Variants in RO60 observed in about 807,000 individuals in gnomAD.
RO60 encodes Ro60, Y RNA binding protein, also known as RNA-binding protein RO60.
Under a neutral mutation model 55.3 loss-of-function variants are expected in RO60, and 20 were observed. The ratio of observed to expected loss-of-function variants is 0.36; its 90% CI spans 0.25 to 0.53. The LOEUF (loss-of-function observed/expected upper bound fraction) is 0.53. Ranked by LOEUF, RO60 falls within the 20% of genes least tolerant of loss-of-function variation. The probability of loss-of-function intolerance (pLI) is 0.92; values close to 1 mark genes in which losing one functional copy is unlikely to be tolerated. For missense variants in RO60, 558 were observed against 646.6 expected (o/e 0.86, Z 1.49); for synonymous variants, 213 against 213.6 (o/e 1.00, Z 0.02).
In RO60 at chr1:193,059,694, T is replaced by G. The variant is rs1315730813; in HGVS notation, c.-104T>G. On this transcript the variant is annotated 5_prime_UTR_variant, in exon 1 of 9. Transcript: ENST00000400968. The surrounding 1 kb of genome is among the most constrained non-coding windows in gnomAD (Gnocchi z 4.9). ...CTGTGGCTGTCGCTGCCCGTCAGGC[T>G]GCCTTCTTTTGTCGTTTCCCAGCGC... The G allele has an allele frequency of 7.4e-7, 1 of 1,358,290 alleles. No homozygotes were observed. The highest frequency in any genetic ancestry group is 4.6e-5 in the East Asian group (1 of 21,732). The allele number at this position is 1,358,290 out of a possible 1,614,324, so 84.1% of individuals were successfully genotyped here.
rs1341531245 is a variant in RO60, at chr1:193,060,000, C to T, written c.-22+224C>T. The T allele has an allele frequency of 2.2e-6, 3 of 1,365,412 alleles. No homozygotes were observed. Among genetic ancestry groups the T allele is most frequent in the Non-Finnish European group, 2.9e-6 (3 of 1,021,262 alleles). The allele number at this position is 1,365,412 out of a possible 1,614,324, so 84.6% of individuals were successfully genotyped here. A position where few individuals can be genotyped will look rare whatever the true frequency, so the allele number is the denominator to read the frequency against. On this transcript the variant is annotated intron_variant, in intron 1 of 8. Transcript: ENST00000400968. The surrounding 1 kb of genome is among the most constrained non-coding windows in gnomAD (Gnocchi z 4.9). ...CCTCGCTAGGCCCGGCCGGACCATT[C>T]CTCAGGGTGGGCCCTTTCCGAAGCC...
intron 1 of RO60, among the ~76,000 whole-genome samples, chr1:193,068,708 A>G (rs1673280111): frequency 6.6e-6 from 1 of 152,206 alleles, no homozygotes; most frequent in African/African-American, 2.4e-5. Context: ...CACTGTGGCT[A>G]TGATTTGTTT....
chr1:193,065,962 T>A (rs1238661788), intron 1 of RO60, among the ~76,000 whole-genome samples: 43 of 152,216 alleles, frequency 2.8e-4, no homozygotes, highest in Admixed American at 2.8e-3. Context: ...TACACCACTA[T>A]GTGTTCCCCT....
chr1:193,082,792 C>CCTGT, intron 8 of RO60, 84 bp downstream of exon 8: 1 of 1,183,654 alleles, frequency 8.4e-7, no homozygotes, highest in Non-Finnish European at 1.2e-6. Flanking sequence ...GGAGACAGGA[C>CCTGT]CTCATTCTGT....
At chr1:193,076,283 C>T (rs1241141038) in intron 3 of RO60, among the ~76,000 whole-genome samples, 1 of 152,008 alleles carries the variant, frequency 6.6e-6, no homozygotes, top group Non-Finnish European at 1.5e-5. Flanking sequence ...ATCATCTATG[C>T]ATTTCCTTCA....
At chr1:193,068,874 G>A (rs1001464016) in intron 1 of RO60, 160 bp from the exon 2 acceptor site, 1 of 503,322 alleles carries the variant, frequency 2.0e-6, no homozygotes, top group Non-Finnish European at 3.4e-6. Context: ...TTTTCTTCAG[G>A]ACATTTATAT....
In RO60 at chr1:193,085,624, T is replaced by G. The variant is rs142385358; in HGVS notation, c.*893T>G. ...CCCCCTCATTCACAAAGTATAACAA[T>G]TAAAATCTCAACTATAACCAGTTTA... On this transcript the variant is annotated 3_prime_UTR_variant, in exon 9 of 9. Transcript: ENST00000400968. 2.6e-4 allele frequency: 255 copies of G among 984,500 alleles called. 1 individual carries two copies. The African/African-American group carries it at 4.3e-3, about 16-fold the overall frequency. 61.0% of individuals were successfully genotyped at this position (984,500 alleles called of 1,614,324 possible).
Position 193,082,346 on chromosome 1 carries a change from G to T in RO60, c.1317+47G>T. 1 of 1,434,228 alleles carries T rather than the reference G, an allele frequency of 7.0e-7. No individual in the cohort carries two copies. The highest frequency in any genetic ancestry group is 9.7e-7 in the Non-Finnish European group (1 of 1,035,702). 88.8% of individuals were successfully genotyped at this position (1,434,228 alleles called of 1,614,324 possible). ...GTTTACTTAGTTAAGTTTACATAAC[G>T]TGTAGAATGATTTTATATTGATGTC... On this transcript the variant is annotated intron_variant, in intron 7 of 8. Transcript: ENST00000400968.
intron 5 of RO60, among the ~76,000 whole-genome samples, chr1:193,080,015 C>T (rs1174226778): frequency 6.6e-6 from 1 of 151,104 alleles, no homozygotes; most frequent in Non-Finnish European, 1.5e-5. Flanking sequence ...CCTGTAATCC[C>T]AGCTACTCAT....
intron 7 of RO60, 42 bp from the exon 8 acceptor site, chr1:193,082,520 G>T (rs1674381583): frequency 1.2e-6 from 2 of 1,601,150 alleles, no homozygotes; most frequent in East Asian, 2.2e-5. Context: ...GTATTTTTAA[G>T]GATTTATTTA....
At chr1:193,071,773 A>G (rs1214927269) in intron 2 of RO60, among the ~76,000 whole-genome samples, 1 of 148,378 alleles carries the variant, frequency 6.7e-6, no homozygotes, top group Non-Finnish European at 1.5e-5. Context: ...TAGTATATAT[A>G]ATATATAATG....
chr1:193,067,381 G>A (rs953801980), intron 1 of RO60, among the ~76,000 whole-genome samples: 1 of 151,700 alleles, frequency 6.6e-6, no homozygotes, highest in South Asian at 2.1e-4. Context: ...GTAGAGACGG[G>A]GTTTCACCAT....
chr1:193,077,913 G>A (rs1674040559), intron 5 of RO60, among the ~76,000 whole-genome samples: 1 of 152,066 alleles, frequency 6.6e-6, no homozygotes, highest in Non-Finnish European at 1.5e-5. Context: ...CCATTAATTG[G>A]TAGATAGATC....
chr1:193,060,065 G>A (rs971863449), intron 1 of RO60: 325 of 1,314,550 alleles, frequency 2.5e-4, no homozygotes, highest in Non-Finnish European at 3.1e-4. Flanking sequence ...CCCACAGGCC[G>A]ACGTCGAGAG....
intron 5 of RO60, among the ~76,000 whole-genome samples, chr1:193,080,758 A>T (rs1674250567): frequency 6.6e-6 from 1 of 152,220 alleles, no homozygotes; most frequent in Non-Finnish European, 1.5e-5. Flanking sequence ...AATAAGCCAG[A>T]CAAACAAGGA....
In RO60 at chr1:193,085,271, T is replaced by C; in HGVS notation, c.*540T>C. On this transcript the variant is annotated 3_prime_UTR_variant, in exon 9 of 9. Transcript: ENST00000400968. The stretch of plus-strand genomic sequence containing the variant: ...TTATGAATGAGTTTTACAAATTCCT[T>C]TCAGAGTTTTACTAAGATCACACAA... 1 of 1,108,076 alleles carries C rather than the reference T, an allele frequency of 9.0e-7. No individual in the cohort carries two copies. The highest frequency in any genetic ancestry group is 1.1e-6 in the Non-Finnish European group (1 of 906,876). 68.6% of individuals were successfully genotyped at this position (1,108,076 alleles called of 1,614,324 possible). A position where few individuals can be genotyped will look rare whatever the true frequency, so the allele number is the denominator to read the frequency against.
intron 5 of RO60, among the ~76,000 whole-genome samples, chr1:193,079,081 CTTTTTTTTTT>C (rs745317535): frequency 3.5e-5 from 3 of 85,934 alleles, no homozygotes; most frequent in Non-Finnish European, 6.5e-5. Context: ...GTTCAGTTGA[CTTTTTTTTTT>C]TTTTTTTTTT....
intron 2 of RO60, chr1:193,070,510 A>G (rs770043439): frequency 1.2e-5 from 5 of 413,192 alleles, no homozygotes; most frequent in South Asian, 8.6e-5. Context: ...CACAAAAATC[A>G]ACATGTTCAA....
chr1:193,073,762 G>A (rs1342417214), intron 2 of RO60, among the ~76,000 whole-genome samples: 2 of 152,070 alleles, frequency 1.3e-5, no homozygotes, highest in Non-Finnish European at 2.9e-5. Flanking sequence ...TATACTTTAA[G>A]TTCTAGGGTA....
Sources: gnomAD v4.1 joint callset for allele counts (sites outside exome capture counted in the v4.1 genomes callset) on GRCh38, gnomAD v4.1.1 for gene constraint, Gnocchi (gnomAD v3.1) non-coding constraint, MANE v1.5 for transcripts, NCBI Gene and HGNC (gene_info 2026-07-23, HGNC 2026-07-21) for gene names.